DNAH11: variants seen among roughly 807,000 people sequenced by gnomAD.
DNAH11 encodes the protein dynein axonemal heavy chain 11.
A neutral mutation model predicts 526.0 loss-of-function variants in DNAH11; 442 were observed. That is an observed-to-expected ratio of 0.84 (90% CI 0.78 to 0.91). DNAH11 has a LOEUF of 0.91. DNAH11 is among the 40% of genes least tolerant of loss of function. The pLI is 0.00. For missense variants in DNAH11, 6,989 were observed against 5,448.7 expected (o/e 1.28, Z -8.90); for synonymous variants, 2,461 against 1,935.9 (o/e 1.27, Z -7.12).
rs780931328 is a variant in DNAH11, at chr7:21,588,629, C to A, written c.1966C>A (p.Arg656Ser). ...GTTTTGGTCAAACTTCGCATCTCTC[C>A]GTTATCTGTAAGTAGTTAAGCTTAG... The part of the protein sequence containing the change: ...QMFWSNFASL[R>S]YLFLGNPDHA... Residue 656 changes from arginine (R) to serine (S), a missense_variant, in exon 11 of 82, where the codon CGT (arginine) becomes AGT (serine). Transcript: ENST00000409508. 1 of 1,612,980 alleles carries A rather than the reference C, an allele frequency of 6.2e-7. No homozygotes were observed. Among genetic ancestry groups the A allele is most frequent in the Admixed American group, 1.7e-5 (1 of 60,018 alleles).
chr7:21,689,042 G>C (rs1783506394), intron 34 of DNAH11, among the ~76,000 whole-genome samples: 1 of 152,188 alleles, frequency 6.6e-6, no homozygotes, highest in Non-Finnish European at 1.5e-5. Flanking sequence ...GTTATCAGGA[G>C]ATACATCTGG....
chr7:21,692,425 A>G (rs1783672489), intron 35 of DNAH11, among the ~76,000 whole-genome samples: 1 of 152,194 alleles, frequency 6.6e-6, no homozygotes, highest in Admixed American at 6.5e-5. Context: ...AAACCAGACA[A>G]TATGTACGTT....
Position 21,710,723 on chromosome 7 carries a change from T to C in DNAH11, c.6834+20T>C, listed in dbSNP as rs776305821. On this transcript the variant is annotated intron_variant, in intron 41 of 81. Coordinates refer to ENST00000409508, the MANE Select transcript of DNAH11 (RefSeq NM_001277115.2). Reference sequence around the variant, plus strand: ...AACAAGGTGAATAAAACCTCTGTTCTCAACCTTAAATATAACATCCTGAGT... The same window carrying C: ...AACAAGGTGAATAAAACCTCTGTTCCCAACCTTAAATATAACATCCTGAGT... The C allele has an allele frequency of 1.3e-6, 2 of 1,599,874 alleles. No individual in the cohort carries two copies. Among genetic ancestry groups the C allele is most frequent in the Non-Finnish European group, 1.7e-6 (2 of 1,173,472 alleles).
chr7:21,797,581 A>G (rs929636249), intron 61 of DNAH11, among the ~76,000 whole-genome samples: 2 of 152,188 alleles, frequency 1.3e-5, no homozygotes, highest in African/African-American at 4.8e-5. Flanking sequence ...AACTGTATTC[A>G]TGTGAGACAC....
At chr7:21,866,380 T>A in intron 70 of DNAH11, 90 bp from the exon 71 acceptor site, 8 of 1,320,474 alleles carry the variant, frequency 6.1e-6, no homozygotes, top group Non-Finnish European at 8.3e-6. Context: ...ACAGTTTTTT[T>A]ACATAAGATT....
At chr7:21,603,229 T>C (rs994468801) in intron 18 of DNAH11, among the ~76,000 whole-genome samples, 2 of 152,244 alleles carry the variant, frequency 1.3e-5, no homozygotes, top group African/African-American at 4.8e-5. Flanking sequence ...GTAGCATGTG[T>C]TGGTACTTCA....
intron 41 of DNAH11, among the ~76,000 whole-genome samples, chr7:21,711,324 A>G (rs763290): frequency 0.29 from 43,739 of 152,130 alleles, 10,459 homozygotes; most frequent in African/African-American, 0.62. Context: ...ACTGTTCATC[A>G]TAAAATACAG....
At chr7:21,853,095 A>G (rs777773057) in intron 67 of DNAH11, among the ~76,000 whole-genome samples, 1 of 152,214 alleles carries the variant, frequency 6.6e-6, no homozygotes, top group Non-Finnish European at 1.5e-5. Context: ...GCTGTACTCA[A>G]ATGCACTATT....
intron 28 of DNAH11, 46 bp downstream of exon 28, chr7:21,639,111 G>A (rs745858785): frequency 8.4e-6 from 13 of 1,555,828 alleles, no homozygotes; most frequent in Non-Finnish European, 1.1e-5. Context: ...GTTAGCTGAG[G>A]AATGTCATAG....
Position 21,744,527 on chromosome 7 carries a change from C to A in DNAH11, c.8244C>A (p.Asp2748Glu). The change falls in exon 50 of 82, where the codon GAC becomes GAA. Residue 2748 changes from aspartate to glutamate, a missense_variant. Transcript: ENST00000409508. ...ATGAATCTGCCCGTGTTTATGGAGA[C>A]AAACTGATAGACAAAAAAGATTGTG... ...WLHESARVYG[D>E]KLIDKKDCDL... 1 of 1,613,690 alleles carries A rather than the reference C, an allele frequency of 6.2e-7. No individual in the cohort carries two copies. The highest frequency in any genetic ancestry group is 8.5e-7 in the Non-Finnish European group (1 of 1,179,804).
At chr7:21,601,203 G>A in intron 17 of DNAH11, 24 bp downstream of exon 17, 3 of 1,574,730 alleles carry the variant, frequency 1.9e-6, no homozygotes, top group Non-Finnish European at 2.6e-6. Context: ...TTGGTTTTTG[G>A]AATTATAACT....
In DNAH11 at chr7:21,901,393, TGAAAGTCAGAAAAAAATACTA is replaced by T. The variant is rs755545205; in HGVS notation, c.*144_*164del. ...TCTTTTTTCAACGCTATCCTTAGAG[TGAAAGTCAGAAAAAAATACTA>T]GAAACTAACTCAGGGCTGAGCGTGG... On this transcript the variant is annotated 3_prime_UTR_variant, in exon 82 of 82. Coordinates refer to ENST00000409508, the MANE Select transcript of DNAH11 (RefSeq NM_001277115.2). 5.1e-3 allele frequency: 6,305 copies of T among 1,233,236 alleles called. 20 individuals carry two copies. Among genetic ancestry groups the T allele is most frequent in the Non-Finnish European group, 6.0e-3 (5,746 of 954,160 alleles). The allele number at this position is 1,233,236 out of a possible 1,614,324, so 76.4% of individuals were successfully genotyped here.
At chr7:21,892,265 T>C (rs947837400) in intron 76 of DNAH11, among the ~76,000 whole-genome samples, 160 bp from the exon 77 acceptor site, 2 of 152,164 alleles carry the variant, frequency 1.3e-5, no homozygotes, top group African/African-American at 4.8e-5. Context: ...TGGTGTTGCA[T>C]ATAGAGCAAA....
Position 21,840,689 on chromosome 7 carries a change from C to T in DNAH11, c.10692-1855C>T, listed in dbSNP as rs968628073. Reference sequence around the variant, plus strand: ...TTGTATGAAAACATCTCATGTACCCCATAAATACATATGATTACTACGTAC... The same window carrying T: ...TTGTATGAAAACATCTCATGTACCCTATAAATACATATGATTACTACGTAC... On this transcript the variant is annotated intron_variant, in intron 65 of 81. Transcript: ENST00000409508. Among the ~76,000 whole-genome samples, 3 of 151,936 alleles carry T rather than the reference C, an allele frequency of 2.0e-5. No individual in the cohort carries two copies. In the South Asian group the frequency reaches 6.2e-4, roughly 32 times the overall value.
At chr7:21,707,477 G>A (rs1210354592) in intron 39 of DNAH11, among the ~76,000 whole-genome samples, 1 of 152,218 alleles carries the variant, frequency 6.6e-6, no homozygotes, top group Non-Finnish European at 1.5e-5. Flanking sequence ...ATGGTTCAAA[G>A]AGTCAAGTGA....
intron 25 of DNAH11, among the ~76,000 whole-genome samples, chr7:21,628,735 T>G (rs1786464941): frequency 6.6e-6 from 1 of 152,138 alleles, no homozygotes; most frequent in African/African-American, 2.4e-5. Context: ...ATCAGTAGTA[T>G]TGGCCTGTAA....
At chr7:21,787,764 A>G (rs73277728) in intron 60 of DNAH11, among the ~76,000 whole-genome samples, 181 bp downstream of exon 60, 1,967 of 152,348 alleles carry the variant, frequency 0.013, 51 homozygotes, top group African/African-American at 0.044. Context: ...GATATTTGAA[A>G]TGTTAGAAAC....
chr7:21,854,748 G>T (rs997128233), intron 68 of DNAH11, among the ~76,000 whole-genome samples: 2 of 151,492 alleles, frequency 1.3e-5, no homozygotes, highest in African/African-American at 4.9e-5. Flanking sequence ...TTGCCACATT[G>T]CCCAGGCTGG....
At chr7:21,631,249 C>G (rs1786591363) in intron 25 of DNAH11, among the ~76,000 whole-genome samples, 2 of 152,174 alleles carry the variant, frequency 1.3e-5, no homozygotes, top group South Asian at 2.1e-4. Flanking sequence ...CTGGGTCCTT[C>G]TCACAAAACA....
Sources: allele counts gnomAD v4.1 joint callset (sites outside exome capture counted in the v4.1 genomes callset), GRCh38; gene constraint gnomAD v4.1.1; transcripts MANE v1.5; gene names NCBI Gene and HGNC (gene_info 2026-07-23, HGNC 2026-07-21).